Variants in NGLY1 observed in about 807,000 individuals in gnomAD.
NGLY1 encodes peptide-N(4)-(N-acetyl-beta-glucosaminyl)asparagine amidase.
A neutral mutation model predicts 84.6 loss-of-function variants in NGLY1; 68 were observed. The observed-to-expected ratio is 0.80, with a 90% confidence interval of 0.66 to 0.98. NGLY1 has a LOEUF of 0.98. Ranked by LOEUF, NGLY1 falls within the 50% of genes least tolerant of loss-of-function variation. The pLI is 0.00. For synonymous variants in NGLY1, 280 were observed against 275.2 expected, an observed-to-expected ratio of 1.02 and a Z score of -0.17; for missense variants, 779 against 770.2, an observed-to-expected ratio of 1.01 and a Z score of -0.14.
chr3:25,727,673 G>C (rs767614535), intron 10 of NGLY1, among the ~76,000 whole-genome samples: 1 of 152,122 alleles, frequency 6.6e-6, no homozygotes, highest in Non-Finnish European at 1.5e-5. Context: ...TTTTGTTTAC[G>C]TAGCTGAGAA....
intron 5 of NGLY1, 92 bp downstream of exon 5, chr3:25,739,485 A>C (rs1366385097): frequency 2.2e-5 from 27 of 1,219,972 alleles, no homozygotes; most frequent in Non-Finnish European, 3.1e-5. Context: ...TATATTTCTG[A>C]TAATTAAATA....
intron 2 of NGLY1, among the ~76,000 whole-genome samples, chr3:25,769,448 G>GA (rs1707784787): frequency 6.6e-6 from 1 of 152,092 alleles, no homozygotes; most frequent in Non-Finnish European, 1.5e-5. Context: ...ACAGGTATAT[G>GA]AAAAAATGCT....
rs371185733 is a variant in NGLY1 at position 25,751,165 on chromosome 3, A to G, written c.591T>C (p.Cys197=). The change falls in exon 4 of 12, where the codon TGT becomes TGC. Residue 197 remains cysteine, a synonymous_variant. Coordinates refer to ENST00000280700, the MANE Select transcript of NGLY1 (RefSeq NM_018297.4). The part of the protein sequence containing the change: ...NPALQEKALA[C]IPVQELKRKS... ...TCCTTTTTAGTTCTTGGACCGGAAT[A>G]CAAGCCAACGCTTTCTCCTGAAGAG... 27 of 1,613,872 alleles carry G rather than the reference A, an allele frequency of 1.7e-5. No individual in the cohort carries two copies. In the East Asian group the frequency reaches 2.9e-4, roughly 17 times the overall value.
chr3:25,761,626 C>T (rs1707327704), intron 3 of NGLY1, among the ~76,000 whole-genome samples: 1 of 152,118 alleles, frequency 6.6e-6, no homozygotes, highest in African/African-American at 2.4e-5. Flanking sequence ...TAAAATGGTA[C>T]AATTTTGAAA....
At chr3:25,737,514 C>T (rs1444026620) in intron 5 of NGLY1, 59 bp from the exon 6 acceptor site, 5 of 1,377,294 alleles carry the variant, frequency 3.6e-6, no homozygotes, top group South Asian at 2.6e-5. Flanking sequence ...AGAGAATTTA[C>T]ATTACCTCTA....
At chr3:25,738,602 G>C (rs1031923096) in intron 5 of NGLY1, among the ~76,000 whole-genome samples, 5 of 151,868 alleles carry the variant, frequency 3.3e-5, no homozygotes, top group Non-Finnish European at 5.9e-5. Context: ...CTAAATAAAT[G>C]AATTTATAAC....
chr3:25,734,099 C>T, intron 7 of NGLY1, 117 bp from the exon 8 acceptor site: 2 of 1,398,568 alleles, frequency 1.4e-6, no homozygotes, highest in Non-Finnish European at 1.9e-6. Context: ...CGAAGTCTCG[C>T]TCTGTTGTCC....
intron 4 of NGLY1, among the ~76,000 whole-genome samples, chr3:25,740,833 A>C (rs1559538569): frequency 6.6e-6 from 1 of 152,142 alleles, no homozygotes; most frequent in Admixed American, 6.5e-5. Flanking sequence ...TTTTCATAAA[A>C]TTTGACAAGC....
intron 2 of NGLY1, among the ~76,000 whole-genome samples, chr3:25,772,793 G>A (rs923328030): frequency 1.3e-5 from 2 of 152,094 alleles, no homozygotes; most frequent in African/African-American, 4.8e-5. Flanking sequence ...AATATTTAGA[G>A]CTCCTTTTTA....
chr3:25,742,049 G>T (rs13100215), intron 4 of NGLY1, among the ~76,000 whole-genome samples: 6,885 of 152,052 alleles, frequency 0.045, 247 homozygotes, highest in African/African-American at 0.1. Context: ...AAATCAGTAA[G>T]AACATTAAGA....
intron 2 of NGLY1, among the ~76,000 whole-genome samples, chr3:25,776,458 C>T (rs1024841658): frequency 2.0e-5 from 3 of 152,140 alleles, no homozygotes; most frequent in Admixed American, 6.5e-5. Context: ...ATTTTAAATT[C>T]TTTATGTTCG....
chr3:25,719,760 A>G (rs1704885457), intron 11 of NGLY1, 125 bp from the exon 12 acceptor site: 2 of 761,318 alleles, frequency 2.6e-6, no homozygotes, highest in Non-Finnish European at 4.0e-6. Flanking sequence ...ATAAATACAA[A>G]TTATTCTTTA....
chr3:25,722,274 C>CATATATATATAT lies in NGLY1; in HGVS notation c.1612-2095_1612-2084dup, dbSNP rs1553650650. On this transcript the variant is annotated intron_variant, in intron 10 of 11. Transcript: ENST00000280700. ...ATATTATTAAAGATCTGTATACACA[C>CATATATATATAT]ATATATATATATATATATTCATGTT... Among the ~76,000 whole-genome samples the CATATATATATAT allele has an allele frequency of 4.2e-4, 62 of 148,620 alleles. No individual in the cohort carries two copies. The South Asian group carries it at 8.9e-3, about 21-fold the overall frequency.
chr3:25,780,165 T>G (rs1191361156), intron 1 of NGLY1, among the ~76,000 whole-genome samples: 2 of 152,194 alleles, frequency 1.3e-5, no homozygotes, highest in Non-Finnish European at 2.9e-5. Context: ...AAAGAAAATT[T>G]TATTCTCAAC....
At chr3:25,755,812 T>G in intron 3 of NGLY1, 1 of 549,394 alleles carries the variant, frequency 1.8e-6, no homozygotes, top group South Asian at 2.7e-5. Flanking sequence ...GTTAGATCTC[T>G]TTAGTAAACA....
chr3:25,726,642 A>G (rs1705280479), intron 10 of NGLY1, among the ~76,000 whole-genome samples: 1 of 152,190 alleles, frequency 6.6e-6, no homozygotes, highest in Admixed American at 6.5e-5. Flanking sequence ...GCCAGAGAAG[A>G]AGGCAAGGAC....
chr3:25,733,424 A>G lies in NGLY1; in HGVS notation c.1260+448T>C, dbSNP rs1297662221. On this transcript the variant is annotated intron_variant, in intron 8 of 11. Coordinates refer to ENST00000280700, the MANE Select transcript of NGLY1 (RefSeq NM_018297.4). ...CCTCCTCTCAGAAGTAGTCATTGTT[A>G]ATAACTTCCTGTGCCTTGCTTCAGA... is the stretch of plus-strand genomic sequence containing the variant. 4.6e-5 allele frequency among the ~76,000 whole-genome samples: 7 copies of G among 150,830 alleles called. No individual in the cohort carries two copies. In the South Asian group the frequency reaches 8.4e-4, roughly 18 times the overall value.
chr3:25,780,296 C>T (rs1294337112), intron 1 of NGLY1, among the ~76,000 whole-genome samples: 1 of 152,188 alleles, frequency 6.6e-6, no homozygotes, highest in Non-Finnish European at 1.5e-5. Context: ...TTCCATGCTA[C>T]ACTGTCTCAC....
chr3:25,737,384 A>G lies in NGLY1; in HGVS notation c.953T>C (p.Leu318Pro). The G allele has an allele frequency of 1.9e-6, 3 of 1,614,008 alleles. No individual in the cohort carries two copies. The highest frequency in any genetic ancestry group is 2.5e-6 in the Non-Finnish European group (3 of 1,179,972). Residue 318 changes from leucine to proline, a missense_variant, in exon 6 of 12, where the codon CTG (leucine) becomes CCG (proline). Physicochemically the swap from Leu to Pro is moderately conservative, Grantham distance 98. Coordinates refer to ENST00000280700, the MANE Select transcript of NGLY1 (RefSeq NM_018297.4). ...TTCAAACCCTACAGCTCGGCAGCAC[A>G]GTGTAAAACAATTGGCCCACTCGCC... Reference protein sequence around the residue: ...RCGEWANCFTLCCRAVGFEAR... With the variant: ...RCGEWANCFTPCCRAVGFEAR...
Sources: allele counts gnomAD v4.1 joint callset (sites outside exome capture counted in the v4.1 genomes callset), GRCh38; gene constraint gnomAD v4.1.1; transcripts MANE v1.5; gene names NCBI Gene and HGNC (gene_info 2026-07-23, HGNC 2026-07-21).